KIF24: variants seen among roughly 807,000 people sequenced by gnomAD.
KIF24 encodes the protein kinesin-like protein KIF24.
Under a neutral mutation model 118.9 loss-of-function variants are expected in KIF24, and 81 were observed. That is an observed-to-expected ratio of 0.68 (90% CI 0.57 to 0.82). The LOEUF (loss-of-function observed/expected upper bound fraction) is 0.82. Ranked by LOEUF, KIF24 falls within the 40% of genes least tolerant of loss-of-function variation. KIF24 has a pLI of 0.00. For missense variants in KIF24, 1,560 were observed against 1,661.6 expected, an observed-to-expected ratio of 0.94 and a Z score of 1.06; for synonymous variants, 599 against 610.0, an observed-to-expected ratio of 0.98 and a Z score of 0.27.
chr9:34,312,057 C>T (rs535095103), intron 1 of KIF24, among the ~76,000 whole-genome samples: 1 of 152,190 alleles, frequency 6.6e-6, no homozygotes, highest in Non-Finnish European at 1.5e-5. Context: ...AATGGCATAC[C>T]ACAGAGGATT....
At chr9:34,255,207 C>T in intron 11 of KIF24, 42 bp from the exon 12 acceptor site, 1 of 1,232,612 alleles carries the variant, frequency 8.1e-7, no homozygotes, top group Non-Finnish European at 1.2e-6. Context: ...CCTGGCCTCC[C>T]AGCCTCTCCT....
intron 2 of KIF24, among the ~76,000 whole-genome samples, chr9:34,307,561 C>T (rs755565947): frequency 2.0e-5 from 3 of 151,928 alleles, no homozygotes; most frequent in Non-Finnish European, 4.4e-5. Context: ...AAATAAATGA[C>T]AGAATAAATG....
At chr9:34,279,365 A>G (rs1195698414) in intron 6 of KIF24, among the ~76,000 whole-genome samples, 1 of 152,192 alleles carries the variant, frequency 6.6e-6, no homozygotes, top group Non-Finnish European at 1.5e-5. Context: ...AACATGAAAC[A>G]AGTTTATCAA....
chr9:34,277,837 A>ATG (rs1369782488), intron 6 of KIF24, among the ~76,000 whole-genome samples: 1 of 152,228 alleles, frequency 6.6e-6, no homozygotes, highest in Non-Finnish European at 1.5e-5. Context: ...ATTTTTGTAA[A>ATG]TGACATACAC....
rs78255362 is a variant in KIF24, at chr9:34,257,225, C to T, written c.2382G>A (p.Arg794=). 1,844 of 1,614,004 alleles carry T rather than the reference C, an allele frequency of 1.1e-3. 20 individuals are homozygous for T. In the African/African-American group the frequency reaches 0.021, roughly 19 times the overall value. The change falls in exon 11 of 13, where the codon AGG becomes AGA. Residue 794 remains arginine (R), a synonymous_variant. Coordinates refer to ENST00000402558, the MANE Select transcript of KIF24 (RefSeq NM_194313.4). Reference sequence around the variant, plus strand: ...CATTCGTGAGCTGACCCTCTGGGGGCCTGTACTGGCGTAAAGACCTTTTCA... The same window carrying T: ...CATTCGTGAGCTGACCCTCTGGGGGTCTGTACTGGCGTAAAGACCTTTTCA... The part of the protein sequence containing the change: ...QPLKRSLRQY[R]PPEGQLTNET...
chr9:34,314,311 G>T (rs193253698), intron 1 of KIF24, among the ~76,000 whole-genome samples: 2 of 151,960 alleles, frequency 1.3e-5, no homozygotes, highest in African/African-American at 4.8e-5. Flanking sequence ...GTACAGGCGC[G>T]CGCCACCACG....
intron 3 of KIF24, among the ~76,000 whole-genome samples, chr9:34,299,805 TGTGTGTGTGTGTGTGTGC>T (rs1012429058): frequency 4.2e-5 from 3 of 71,772 alleles, no homozygotes; most frequent in East Asian, 5.4e-4. Flanking sequence ...GCTACCAAGA[TGTGTGTGTGTGTGTGTGC>T]GTGTGTGTGT....
chr9:34,319,108 G>A, intron 1 of KIF24: 1 of 1,401,766 alleles, frequency 7.1e-7, no homozygotes, highest in Non-Finnish European at 1.0e-6. Context: ...TGGGTGTCAT[G>A]GTGATGCACC....
chr9:34,321,443 AT>A (rs919812411), intron 1 of KIF24, among the ~76,000 whole-genome samples: 3 of 151,924 alleles, frequency 2.0e-5, no homozygotes, highest in African/African-American at 7.3e-5. Context: ...TGACAGTAAA[AT>A]TAGATATGTT....
At chr9:34,301,394 T>C (rs10758252) in intron 3 of KIF24, among the ~76,000 whole-genome samples, 113,699 of 151,904 alleles carry the variant, frequency 0.75, 43,252 homozygotes, top group East Asian at 0.95. Flanking sequence ...ATTACAGGCA[T>C]GCAGCCACCA....
rs773649013 is a variant in KIF24, at chr9:34,257,506, T to G, written c.2101A>C (p.Thr701Pro). The part of the protein sequence containing the change: ...GEGLVRGKLS[T>P]KCKKVQTVQP... ...ACTGTCTGCACTTTCTTGCACTTGG[T>G]GGACAGCTTACCACGCACTAGGCCT... is the stretch of plus-strand genomic sequence containing the variant. The change falls in exon 11 of 13, where the codon ACC becomes CCC. Residue 701 changes from threonine to proline, a missense_variant. Thr to Pro is a conservative substitution (Grantham distance 38). Around this residue, in one of 3 missense-constraint regions of KIF24, gnomAD observed 964 missense variants for 988.0 expected, o/e 0.98. Transcript: ENST00000402558. 2 of 1,614,080 alleles carry G rather than the reference T, an allele frequency of 1.2e-6. No homozygotes were observed. The highest frequency in any genetic ancestry group is 1.7e-6 in the Non-Finnish European group (2 of 1,179,904).
chr9:34,283,052 CAAAAAAA>C (rs33926979), intron 6 of KIF24, among the ~76,000 whole-genome samples: 1 of 69,062 alleles, frequency 1.4e-5, no homozygotes. Context: ...AACTCCGTCT[CAAAAAAA>C]AAAAAAAAAA....
In KIF24 at chr9:34,253,313, C is replaced by A. The variant is rs1388436526; in HGVS notation, c.*1067G>T. The A allele has an allele frequency of 6.6e-6, 1 of 152,254 alleles. No homozygotes were observed. Among genetic ancestry groups the A allele is most frequent in the East Asian group, 1.9e-4 (1 of 5,200 alleles). 9.4% of individuals were successfully genotyped at this position (152,254 alleles called of 1,614,324 possible). ...GTGACTCATGAATCTCCATTTGACC[C>A]AGAGTGGCTTTAAAGTAATTGGCAC... On this transcript the variant is annotated 3_prime_UTR_variant, in exon 13 of 13. Transcript: ENST00000402558.
upstream of KIF24, chr9:34,329,398 T>C (rs928236715): frequency 6.6e-6 from 1 of 152,228 alleles, no homozygotes; most frequent in East Asian, 1.9e-4. Context: ...TGGGCGTAAC[T>C]CTCAATTTCC....
intron 7 of KIF24, among the ~76,000 whole-genome samples, chr9:34,270,198 C>A (rs930081587): frequency 1.7e-5 from 2 of 120,530 alleles, no homozygotes; most frequent in African/African-American, 6.5e-5. Flanking sequence ...TCCAGCCTGG[C>A]GACAGCAAGA....
chr9:34,268,964 G>A (rs1835397280), intron 8 of KIF24, among the ~76,000 whole-genome samples: 1 of 152,090 alleles, frequency 6.6e-6, no homozygotes, highest in South Asian at 2.1e-4. Context: ...TTAAAGCTTG[G>A]GGAAAGAGAG....
chr9:34,328,847 G>A (rs1837769798), intron 1 of KIF24, among the ~76,000 whole-genome samples: 1 of 152,188 alleles, frequency 6.6e-6, no homozygotes, highest in Non-Finnish European at 1.5e-5. Flanking sequence ...AGAAGGCTTT[G>A]GGACTCAAGA....
At chr9:34,313,757 T>G (rs985203478) in intron 1 of KIF24, among the ~76,000 whole-genome samples, 25 of 150,574 alleles carry the variant, frequency 1.7e-4, no homozygotes, top group African/African-American at 2.7e-4. Context: ...TTTTTGTTTT[T>G]TTTTTTTTGA....
rs542369131 is a variant in KIF24 at position 34,306,524 on chromosome 9, C to T, written c.624-83G>A. ...GGTCAAAGTATTGGTACCTTTTAGC[C>T]GGGCGCGGTGGCTTACGCCTGTAAT... On this transcript the variant is annotated intron_variant, in intron 2 of 12. Coordinates refer to ENST00000402558, the MANE Select transcript of KIF24 (RefSeq NM_194313.4). 3.1e-4 allele frequency: 304 copies of T among 974,490 alleles called. 1 individual carries two copies. The highest frequency in any genetic ancestry group is 2.7e-3 in the African/African-American group (167 of 61,492). 60.4% of individuals were successfully genotyped at this position (974,490 alleles called of 1,614,324 possible).
Sources: gnomAD v4.1 joint callset for allele counts (sites outside exome capture counted in the v4.1 genomes callset) on GRCh38, gnomAD v4.1.1 for gene constraint, gnomAD v4.1.1 regional missense constraint, MANE v1.5 for transcripts, NCBI Gene and HGNC (gene_info 2026-07-23, HGNC 2026-07-21) for gene names.